PAPOLG: variants seen among roughly 807,000 people sequenced by gnomAD.
PAPOLG encodes PAP-gamma.
PAPOLG carries 40 observed loss-of-function variants against 99.0 expected under a neutral mutation model. The ratio of observed to expected loss-of-function variants is 0.40; its 90% CI spans 0.31 to 0.53. The LOEUF is 0.53. Among genes scored for constraint, PAPOLG ranks in the 20% least tolerant of loss-of-function variants. PAPOLG has a pLI of 0.41. For missense variants in PAPOLG, 675 were observed against 884.1 expected (o/e 0.76, Z 3.00); for synonymous variants, 310 against 299.3 (o/e 1.04, Z -0.37).
intron 1 of PAPOLG, 112 bp downstream of exon 1, chr2:60,756,607 G>C (rs991002971): frequency 1.7e-6 from 2 of 1,207,760 alleles, no homozygotes; most frequent in African/African-American, 1.6e-5. Flanking sequence ...GCAGCTCGCC[G>C]GGATGGTCTC....
At position 60,788,231 on chromosome 2, in the gene PAPOLG, G is replaced by T. The variant is rs150908412; in HGVS notation, c.1396+611G>T. ...TTAGTTTAAAAAAAATGGCAAGACT[G>T]GTTGCTTCTAGGTCAGGGTACAGGA... On this transcript the variant is annotated intron_variant, in intron 15 of 21. Transcript: ENST00000238714. 2.4e-3 allele frequency among the ~76,000 whole-genome samples: 372 copies of T among 152,202 alleles called. 1 individual carries two copies. The highest frequency in any genetic ancestry group is 8.6e-3 in the African/African-American group (358 of 41,524).
intron 21 of PAPOLG, chr2:60,795,339 A>G (rs992571813): frequency 1.6e-5 from 8 of 504,684 alleles, no homozygotes; most frequent in Non-Finnish European, 1.9e-5. Context: ...ACCTGGAGGT[A>G]TATCTCTGTT....
At chr2:60,771,393 A>G (rs1214689542) in intron 6 of PAPOLG, 126 bp from the exon 7 acceptor site, 2 of 1,192,824 alleles carry the variant, frequency 1.7e-6, no homozygotes, top group African/African-American at 1.6e-5. Context: ...ACATAGGCCT[A>G]TCGAAGCTTT....
chr2:60,782,914 A>G, intron 12 of PAPOLG, 144 bp downstream of exon 12: 1 of 1,148,138 alleles, frequency 8.7e-7, no homozygotes, highest in Non-Finnish European at 1.2e-6. Flanking sequence ...AAGAGATAAG[A>G]GTGTTTCTTT....
At chr2:60,786,655 A>G (rs940919051) in intron 13 of PAPOLG, among the ~76,000 whole-genome samples, 1 of 152,030 alleles carries the variant, frequency 6.6e-6, no homozygotes, top group East Asian at 1.9e-4. Context: ...CAGCCTCCCA[A>G]GTAGCTGGGA....
intron 3 of PAPOLG, among the ~76,000 whole-genome samples, chr2:60,762,495 A>C (rs557964205): frequency 2.0e-5 from 3 of 152,092 alleles, no homozygotes; most frequent in Non-Finnish European, 4.4e-5. Flanking sequence ...AATATAGTAC[A>C]TATTTGCATG....
At position 60,794,742 on chromosome 2, in the gene PAPOLG, C is replaced by T. The variant is rs376168255; in HGVS notation, c.2022C>T (p.Pro674=). The change falls in exon 20 of 22, where the codon CCC becomes CCT. Residue 674 remains proline (P), a synonymous_variant. Coordinates refer to ENST00000238714, the MANE Select transcript of PAPOLG (RefSeq NM_022894.4). ...GACTTGAATCAACATTTAAGGACCC[C>T]CGCACTGCTGAAGAAAGAAAAAGAA... is the stretch of plus-strand genomic sequence containing the variant. ...FIRLESTFKD[P]RTAEERKRKS... 1 of 1,611,110 alleles carries T rather than the reference C, an allele frequency of 6.2e-7. No homozygotes were observed. Among genetic ancestry groups the T allele is most frequent in the Non-Finnish European group, 8.5e-7 (1 of 1,177,660 alleles).
intron 9 of PAPOLG, 51 bp downstream of exon 9, chr2:60,779,826 T>C (rs372341847): frequency 3.4e-6 from 5 of 1,475,132 alleles, no homozygotes; most frequent in Non-Finnish European, 4.6e-6. Flanking sequence ...TACCTATGCG[T>C]AAGTTTGTTT....
chr2:60,785,738 C>T (rs1273723578), intron 13 of PAPOLG, among the ~76,000 whole-genome samples: 3 of 149,214 alleles, frequency 2.0e-5, no homozygotes, highest in Non-Finnish European at 4.4e-5. Flanking sequence ...CACTATGTTG[C>T]CCCAGGTGAT....
chr2:60,784,668 C>A (rs1047830209), intron 13 of PAPOLG, among the ~76,000 whole-genome samples: 1 of 152,218 alleles, frequency 6.6e-6, no homozygotes, highest in Admixed American at 6.5e-5. Context: ...TTGTCTAGAT[C>A]TGCAGTCAGA....
intron 16 of PAPOLG, 33 bp downstream of exon 16, chr2:60,791,915 T>A: frequency 1.9e-6 from 3 of 1,596,380 alleles, no homozygotes; most frequent in Non-Finnish European, 2.6e-6. Context: ...TCAGTATGGT[T>A]TTACTCAGAC....
At chr2:60,785,951 G>A (rs1197492516) in intron 13 of PAPOLG, among the ~76,000 whole-genome samples, 1 of 151,896 alleles carries the variant, frequency 6.6e-6, no homozygotes, top group Non-Finnish European at 1.5e-5. Flanking sequence ...TTAACTAAGG[G>A]TATTTTAGAT....
Position 60,756,327 on chromosome 2 carries a change from C to T in PAPOLG, c.-152C>T, listed in dbSNP as rs990581482. On this transcript the variant is annotated 5_prime_UTR_variant, in exon 1 of 22. Coordinates refer to ENST00000238714, the MANE Select transcript of PAPOLG (RefSeq NM_022894.4). ...AGCCGGTTTTGTGGTGTTTTCACTA[C>T]TCGGTTGGATGCCTCAGCCATAGTA... 2.6e-5 allele frequency: 24 copies of T among 915,524 alleles called. No individual in the cohort carries two copies. In the Middle Eastern group the frequency reaches 7.0e-4, roughly 27 times the overall value. 56.7% of individuals were successfully genotyped at this position (915,524 alleles called of 1,614,324 possible). A position where few individuals can be genotyped will look rare whatever the true frequency, so the allele number is the denominator to read the frequency against.
intron 3 of PAPOLG, among the ~76,000 whole-genome samples, chr2:60,764,509 C>T (rs1325187686): frequency 6.6e-6 from 1 of 151,916 alleles, no homozygotes. Flanking sequence ...CTCCGCCTCC[C>T]AGGCTCCAGC....
intron 3 of PAPOLG, among the ~76,000 whole-genome samples, chr2:60,764,438 A>G (rs1670613445): frequency 1.4e-5 from 2 of 146,768 alleles, no homozygotes; most frequent in Admixed American, 6.9e-5. Context: ...TTTTTTGGCG[A>G]TGGGCTCTTA....
intron 5 of PAPOLG, 89 bp from the exon 6 acceptor site, chr2:60,770,369 C>T (rs1197566873): frequency 1.8e-6 from 2 of 1,088,958 alleles, no homozygotes; most frequent in Non-Finnish European, 2.5e-6. Context: ...AAATACAAAT[C>T]GGGAGTAAAG....
intron 1 of PAPOLG, among the ~76,000 whole-genome samples, chr2:60,759,011 G>GC (rs1366613849): frequency 6.6e-6 from 1 of 152,066 alleles, no homozygotes; most frequent in Non-Finnish European, 1.5e-5. Context: ...TAGAAGTTTT[G>GC]CCAACCCCTG....
intron 15 of PAPOLG, among the ~76,000 whole-genome samples, chr2:60,789,805 C>A (rs1671475500): frequency 6.6e-6 from 1 of 152,122 alleles, no homozygotes. Flanking sequence ...AATGCAGATT[C>A]CTGGCTGGGC....
intron 2 of PAPOLG, 111 bp from the exon 3 acceptor site, chr2:60,761,630 G>A (rs564595956): frequency 1.1e-6 from 1 of 870,450 alleles, no homozygotes; most frequent in African/African-American, 1.7e-5. Flanking sequence ...TCACATATAT[G>A]TTATGGTTTT....
Sources: gnomAD v4.1 joint callset for allele counts (sites outside exome capture counted in the v4.1 genomes callset) on GRCh38, gnomAD v4.1.1 for gene constraint, MANE v1.5 for transcripts, NCBI Gene and HGNC (gene_info 2026-07-23, HGNC 2026-07-21) for gene names.